The following UBAP2 variants were observed in gnomAD, a reference collection of about 807,000 sequenced individuals.
UBAP2 encodes ubiquitin-associated protein 2.
UBAP2 carries 75 observed loss-of-function variants against 139.6 expected under a neutral mutation model. The ratio of observed to expected loss-of-function variants is 0.54; its 90% CI spans 0.45 to 0.65. The LOEUF is 0.65. UBAP2 is among the 30% of genes least tolerant of loss of function. The probability of loss-of-function intolerance (pLI) is 0.00; values close to 1 mark genes in which losing one functional copy is unlikely to be tolerated. For missense variants in UBAP2, 1,368 were observed against 1,369.6 expected (o/e 1.00, Z 0.02); for synonymous variants, 526 against 526.2 (o/e 1.00, Z 0.01).
chr9:33,923,681 G>T, intron 24 of UBAP2, 114 bp downstream of exon 24: 1 of 1,214,018 alleles, frequency 8.2e-7, no homozygotes, highest in South Asian at 1.3e-5. Context: ...CTGAAGACCA[G>T]GTAAGACGGA....
intron 2 of UBAP2, chr9:34,011,739 C>A (rs1306751476): frequency 2.7e-6 from 2 of 754,296 alleles, no homozygotes; most frequent in Non-Finnish European, 3.2e-6. Context: ...CCCTCCCCTG[C>A]AATAAACATT....
intron 22 of UBAP2, among the ~76,000 whole-genome samples, chr9:33,925,658 G>A (rs899882780): frequency 6.6e-5 from 10 of 152,188 alleles, no homozygotes; most frequent in Non-Finnish European, 1.5e-4. Context: ...CCCAGGCTAG[G>A]CCTCTGCTTC....
At chr9:33,959,374 CAT>C (rs1448694541) in intron 10 of UBAP2, among the ~76,000 whole-genome samples, 4 of 152,138 alleles carry the variant, frequency 2.6e-5, no homozygotes, top group African/African-American at 9.7e-5. Context: ...AATGGAAACA[CAT>C]ATGGAGACAG....
At chr9:34,005,057 G>A (rs1823069411) in intron 2 of UBAP2, among the ~76,000 whole-genome samples, 1 of 152,022 alleles carries the variant, frequency 6.6e-6, no homozygotes, top group African/African-American at 2.4e-5. Context: ...GAGGTCAGGA[G>A]TTCAAGACCA....
chr9:34,046,887 G>A (rs924550559), intron 1 of UBAP2, among the ~76,000 whole-genome samples: 2 of 152,074 alleles, frequency 1.3e-5, no homozygotes, highest in Admixed American at 1.3e-4. Context: ...AGACACTCCT[G>A]GTGATCACTA....
chr9:33,982,871 T>G (rs988050053), intron 6 of UBAP2, among the ~76,000 whole-genome samples: 39 of 148,830 alleles, frequency 2.6e-4, no homozygotes, highest in African/African-American at 3.7e-4. Context: ...ATGTGTGGTG[T>G]TTTTTTTTGT....
intron 6 of UBAP2, among the ~76,000 whole-genome samples, chr9:33,975,819 A>C (rs921769724): frequency 2.7e-5 from 4 of 150,442 alleles, no homozygotes; most frequent in African/African-American, 9.7e-5. Context: ...AAAAAAAAAA[A>C]GTAAAATGGT....
intron 4 of UBAP2, chr9:33,995,534 T>C (rs886350876): frequency 4.6e-5 from 3 of 64,810 alleles, no homozygotes; most frequent in African/African-American, 8.9e-5. Flanking sequence ...AATATATTTA[T>C]ATTATTAAAT....
intron 1 of UBAP2, among the ~76,000 whole-genome samples, chr9:34,030,217 G>A (rs543153834): frequency 2.8e-4 from 42 of 152,016 alleles, no homozygotes; most frequent in African/African-American, 9.2e-4. Flanking sequence ...AGGCTGAGGC[G>A]GGCAGATCAC....
intron 5 of UBAP2, among the ~76,000 whole-genome samples, chr9:33,987,951 C>T (rs910489550): frequency 2.6e-5 from 4 of 152,100 alleles, no homozygotes; most frequent in Non-Finnish European, 4.4e-5. Context: ...CCTATATTGG[C>T]ATTAATAGCT....
chr9:34,047,633 TTA>T (rs1302047877), intron 1 of UBAP2, among the ~76,000 whole-genome samples: 3 of 152,124 alleles, frequency 2.0e-5, no homozygotes, highest in Non-Finnish European at 4.4e-5. Context: ...ACCCAAGAAA[TTA>T]TATGCCCTTC....
At chr9:34,004,784 C>CA (rs140566412) in intron 2 of UBAP2, among the ~76,000 whole-genome samples, 42 of 127,358 alleles carry the variant, frequency 3.3e-4, no homozygotes, top group African/African-American at 3.6e-4. Flanking sequence ...ATTCTGTCTC[C>CA]AAAAAAAAAA....
chr9:34,022,335 G>A (rs141611236), intron 1 of UBAP2, among the ~76,000 whole-genome samples: 1 of 152,102 alleles, frequency 6.6e-6, no homozygotes, highest in African/African-American at 2.4e-5. Flanking sequence ...GCTGGGCAAG[G>A]TGGCATGCAC....
intron 4 of UBAP2, among the ~76,000 whole-genome samples, chr9:33,994,087 G>T (rs1185736432): frequency 2.0e-5 from 3 of 151,910 alleles, no homozygotes; most frequent in African/African-American, 7.3e-5. Flanking sequence ...GTAGACATGG[G>T]GTTTCGCCAT....
Position 33,977,701 on chromosome 9 carries a change from C to T in UBAP2, c.521-4464G>A, listed in dbSNP as rs1394092729. On this transcript the variant is annotated intron_variant, in intron 6 of 28. Coordinates refer to ENST00000379238, the MANE Select transcript of UBAP2 (RefSeq NM_001370062.2). ...TTTTTGAGACAGAGTTTTGCTCTGT[C>T]ACCCAGGCTGGAGTGCAGTGGCGTA... is the stretch of plus-strand genomic sequence containing the variant. 5.3e-5 allele frequency among the ~76,000 whole-genome samples: 8 copies of T among 150,414 alleles called. No homozygotes were observed. In the East Asian group the frequency reaches 1.6e-3, roughly 31 times the overall value.
intron 11 of UBAP2, 87 bp from the exon 12 acceptor site, chr9:33,953,561 T>A: frequency 2.2e-6 from 3 of 1,341,294 alleles, no homozygotes; most frequent in Non-Finnish European, 3.0e-6. Flanking sequence ...ATATAGTGAA[T>A]TTACATTAAA....
chr9:34,039,602 T>C (rs1826851328), intron 1 of UBAP2, among the ~76,000 whole-genome samples: 2 of 152,008 alleles, frequency 1.3e-5, no homozygotes, highest in African/African-American at 2.4e-5. Context: ...CAGGGTTAAA[T>C]GGATAAAGGG....
chr9:34,045,615 G>GC (rs1827512821), intron 1 of UBAP2, among the ~76,000 whole-genome samples: 1 of 151,848 alleles, frequency 6.6e-6, no homozygotes. Context: ...CTCGTGACCC[G>GC]CCCGCCTCCG....
Position 33,922,593 on chromosome 9 carries a change from A to G in UBAP2, c.3271T>C (p.Ser1091Pro), listed in dbSNP as rs1281996610. 1.9e-6 allele frequency: 3 copies of G among 1,613,392 alleles called. No homozygotes were observed. Among genetic ancestry groups the G allele is most frequent in the Non-Finnish European group, 2.5e-6 (3 of 1,179,702 alleles). The change falls in exon 29 of 29, where the codon TCG (serine) becomes CCG (proline). Residue 1091 changes from serine (S) to proline (P), a missense_variant. Coordinates refer to ENST00000379238, the MANE Select transcript of UBAP2 (RefSeq NM_001370062.2). ...HHLPQDAQSG[S>P]GQRSQPSSLQ... ...GAGCTGGGCTGGCTGCGCTGACCCG[A>G]GCCACTCTGAGGAAGAGGAGAAGGG...
Sources: gnomAD v4.1 joint callset for allele counts (sites outside exome capture counted in the v4.1 genomes callset) on GRCh38, gnomAD v4.1.1 for gene constraint, MANE v1.5 for transcripts, NCBI Gene and HGNC (gene_info 2026-07-23, HGNC 2026-07-21) for gene names.